Variants in VPS13B observed in about 807,000 individuals in gnomAD.
VPS13B encodes intermembrane lipid transfer protein VPS13B.
VPS13B carries 285 observed loss-of-function variants against 426.4 expected under a neutral mutation model. That is an observed-to-expected ratio of 0.67 (90% CI 0.61 to 0.74). VPS13B has a LOEUF of 0.74. VPS13B is among the 30% of genes least tolerant of loss of function. The pLI is 0.00. For synonymous variants in VPS13B, 1,676 were observed against 1,676.4 expected (o/e 1.00, Z 0.01); for missense variants, 4,537 against 4,782.6 (o/e 0.95, Z 1.51).
chr8:99,520,389 TTGTGTGTGTGTGTGTGTGTGTGTG>T (rs140216567), intron 29 of VPS13B, among the ~76,000 whole-genome samples: 4 of 138,496 alleles, frequency 2.9e-5, no homozygotes, highest in African/African-American at 1.1e-4. Context: ...GTGATATACT[TTGTGTGTGTGTGTGTGTGTGTGTG>T]TGTGTGTGTG....
At chr8:99,511,671 C>A (rs1821797749) in intron 29 of VPS13B, among the ~76,000 whole-genome samples, 159 bp downstream of exon 29, 1 of 152,086 alleles carries the variant, frequency 6.6e-6, no homozygotes, top group Non-Finnish European at 1.5e-5. Flanking sequence ...TTCTACAAAT[C>A]ATTAGGAAAT....
At chr8:99,217,504 G>A (rs1047842430) in intron 17 of VPS13B, among the ~76,000 whole-genome samples, 1 of 152,112 alleles carries the variant, frequency 6.6e-6, no homozygotes, top group African/African-American at 2.4e-5. Flanking sequence ...CACATAGTAG[G>A]CATTCAGTAG....
chr8:99,660,609 C>T (rs954880541), intron 34 of VPS13B, among the ~76,000 whole-genome samples: 1 of 151,210 alleles, frequency 6.6e-6, no homozygotes, highest in African/African-American at 2.4e-5. Flanking sequence ...AGAGCTATTT[C>T]AATAAAAGCT....
chr8:99,875,807 A>ACTGCAAGCAC lies in VPS13B; in HGVS notation c.*146_*155dup. The ACTGCAAGCAC allele has an allele frequency of 9.0e-7, 1 of 1,106,996 alleles. No homozygotes were observed. The highest frequency in any genetic ancestry group is 2.5e-5 in the East Asian group (1 of 39,396). The allele number at this position is 1,106,996 out of a possible 1,614,324, so 68.6% of individuals were successfully genotyped here. ...CCACCTCAACCCACAAGTAGCTACG[A>ACTGCAAGCAC]CTGCAAGCACCTGCCACCATAAAGG... is the stretch of plus-strand genomic sequence containing the variant. On this transcript the variant is annotated 3_prime_UTR_variant, in exon 62 of 62. Coordinates refer to ENST00000357162, the MANE Select transcript of VPS13B (RefSeq NM_152564.5).
intron 16 of VPS13B, among the ~76,000 whole-genome samples, chr8:99,191,540 C>T (rs905440736): frequency 3.3e-5 from 5 of 151,746 alleles, no homozygotes; most frequent in Admixed American, 2.0e-4. Flanking sequence ...CATGCCACCA[C>T]GCCCAGCTAA....
At position 99,853,509 on chromosome 8, in the gene VPS13B, T is replaced by C. The variant is rs1563509523; in HGVS notation, c.10120T>C (p.Phe3374Leu). 6.2e-7 allele frequency: 1 copy of C among 1,614,108 alleles called. No homozygotes were observed. The highest frequency in any genetic ancestry group is 1.3e-5 in the African/African-American group (1 of 74,926). ...MFITQLSLAV[F>L]DDLTHHKASA... The stretch of plus-strand genomic sequence containing the variant: ...CATCACTCAGTTAAGCCTGGCAGTG[T>C]TTGATGACCTCACCCACCACAAAGC... The change falls in exon 56 of 62, where the codon TTT (phenylalanine) becomes CTT (leucine). Residue 3374 changes from phenylalanine to leucine, a missense_variant. By Grantham distance (22) the Phe-to-Leu change is conservative (BLOSUM62 0). Around this residue, in one of 2 missense-constraint regions of VPS13B, gnomAD observed 4,311 missense variants for 4,474.3 expected, o/e 0.96. Transcript: ENST00000357162.
intron 17 of VPS13B, among the ~76,000 whole-genome samples, chr8:99,270,131 C>CTGTTTTTTTTTTTTT (rs1818502435): frequency 6.6e-5 from 2 of 30,312 alleles, no homozygotes; most frequent in Non-Finnish European, 1.2e-4. Flanking sequence ...ATATAAGAAT[C>CTGTTTTTTTTTTTTT]TTTTTTTTTT....
At chr8:99,869,755 T>A (rs1817294959) in intron 59 of VPS13B, among the ~76,000 whole-genome samples, 1 of 152,252 alleles carries the variant, frequency 6.6e-6, no homozygotes, top group Non-Finnish European at 1.5e-5. Flanking sequence ...AGAGCAGAGC[T>A]TCACATGGCC....
chr8:99,557,305 C>G (rs532551591), intron 31 of VPS13B, among the ~76,000 whole-genome samples: 11 of 152,030 alleles, frequency 7.2e-5, no homozygotes, highest in African/African-American at 2.7e-4. Flanking sequence ...TCACCACCCC[C>G]ACCCCTGAGT....
intron 19 of VPS13B, among the ~76,000 whole-genome samples, chr8:99,282,264 C>T (rs1019045634): frequency 2.6e-5 from 4 of 152,192 alleles, no homozygotes; most frequent in Non-Finnish European, 4.4e-5. Context: ...GATTTGTCTT[C>T]AGATTGTCAA....
In VPS13B at chr8:99,194,369, C is replaced by T. The variant is rs867478799; in HGVS notation, c.2515+1312C>T. 3.9e-5 allele frequency among the ~76,000 whole-genome samples: 6 copies of T among 152,284 alleles called. 1 individual carries two copies. Among genetic ancestry groups the T allele is most frequent in the Non-Finnish European group, 4.4e-5 (3 of 68,014 alleles). Reference sequence around the variant, plus strand: ...AATTGAACTTACTGCTCCTGTCTAACTGAAACTTTGTACCCTCTGAACAGG... The same window carrying T: ...AATTGAACTTACTGCTCCTGTCTAATTGAAACTTTGTACCCTCTGAACAGG... On this transcript the variant is annotated intron_variant, in intron 17 of 61. Transcript: ENST00000357162.
chr8:99,740,952 G>A (rs1809687775), intron 39 of VPS13B, among the ~76,000 whole-genome samples: 1 of 152,038 alleles, frequency 6.6e-6, no homozygotes, highest in Non-Finnish European at 1.5e-5. Context: ...CATAATGACA[G>A]GATCAAATTC....
intron 33 of VPS13B, among the ~76,000 whole-genome samples, chr8:99,593,576 T>G (rs560377719): frequency 6.6e-6 from 1 of 152,260 alleles, no homozygotes; most frequent in East Asian, 1.9e-4. Flanking sequence ...CAAAGGAATA[T>G]AAATCCTTCT....
At chr8:99,652,785 T>C (rs1829873970) in intron 34 of VPS13B, among the ~76,000 whole-genome samples, 2 of 152,206 alleles carry the variant, frequency 1.3e-5, no homozygotes, top group African/African-American at 2.4e-5. Context: ...AATGTCATAA[T>C]GATCACACTC....
chr8:99,656,973 C>T (rs1474924366), intron 34 of VPS13B, among the ~76,000 whole-genome samples: 1 of 152,142 alleles, frequency 6.6e-6, no homozygotes, highest in Non-Finnish European at 1.5e-5. Context: ...TTTATCAACC[C>T]TGTAAATTCA....
At chr8:99,825,186 C>A (rs1223289242) in intron 51 of VPS13B, among the ~76,000 whole-genome samples, 2 of 152,150 alleles carry the variant, frequency 1.3e-5, no homozygotes, top group African/African-American at 4.8e-5. Context: ...ATTTACACTC[C>A]CACCAACAGT....
At chr8:99,562,584 T>A (rs1824986423) in intron 31 of VPS13B, among the ~76,000 whole-genome samples, 1 of 152,134 alleles carries the variant, frequency 6.6e-6, no homozygotes, top group Non-Finnish European at 1.5e-5. Context: ...CCTGGCCTTT[T>A]GGCTGTTTTT....
chr8:99,620,164 A>G (rs1483300738), intron 33 of VPS13B, among the ~76,000 whole-genome samples: 1 of 152,116 alleles, frequency 6.6e-6, no homozygotes, highest in Non-Finnish European at 1.5e-5. Context: ...AATTTTCGTG[A>G]TGACATTGAA....
At chr8:99,233,145 G>A (rs1030103059) in intron 17 of VPS13B, 14 of 1,394,818 alleles carry the variant, frequency 1.0e-5, no homozygotes, top group Admixed American at 1.7e-5. Context: ...GTGCAGTCTG[G>A]CTAGCAAAGA....
Sources: gnomAD v4.1 joint callset for allele counts (sites outside exome capture counted in the v4.1 genomes callset) on GRCh38, gnomAD v4.1.1 for gene constraint, gnomAD v4.1.1 regional missense constraint, MANE v1.5 for transcripts, NCBI Gene and HGNC (gene_info 2026-07-23, HGNC 2026-07-21) for gene names.